SLC10A4: variants seen among roughly 807,000 people sequenced by gnomAD.
SLC10A4 encodes the protein solute carrier family 10 member 4.
A neutral mutation model predicts 22.5 loss-of-function variants in SLC10A4; 17 were observed. That is an observed-to-expected ratio of 0.76 (90% confidence interval 0.52 to 1.14). The LOEUF (loss-of-function observed/expected upper bound fraction) is 1.14, where lower values mean the gene tolerates loss of function less well. Among genes scored for constraint, SLC10A4 ranks in the 50% most tolerant of loss-of-function variants. The pLI is 0.00. For synonymous variants in SLC10A4, 257 were observed against 258.2 expected (o/e 1.00, Z 0.04); for missense variants, 548 against 584.0 (o/e 0.94, Z 0.64).
At chr4:48,484,856 C>G (rs1718252070) in intron 1 of SLC10A4, 76 bp from the exon 2 acceptor site, 1 of 1,409,212 alleles carries the variant, frequency 7.1e-7, no homozygotes, top group Admixed American at 1.8e-5. Context: ...CACCTCTACT[C>G]AACATACAAG....
intron 2 of SLC10A4, among the ~76,000 whole-genome samples, chr4:48,486,313 A>C (rs1456036541): frequency 6.6e-6 from 1 of 151,944 alleles, no homozygotes; most frequent in East Asian, 1.9e-4. Context: ...TGTACATGTA[A>C]ATATGCATAT....
In SLC10A4 at chr4:48,483,978, G is replaced by C. The variant is rs773166749; in HGVS notation, c.417G>C (p.Ala139=). The C allele has an allele frequency of 6.4e-7, 1 of 1,558,006 alleles. No homozygotes were observed. The highest frequency in any genetic ancestry group is 1.2e-5 in the South Asian group (1 of 86,384). ...FGAHVRRPVG[A]LLAALCQFGL... is the part of the protein sequence containing the mutation. ...CGCACGTCCGTCGGCCCGTGGGCGC[G>C]CTGCTGGCAGCGCTCTGCCAGTTCG... Residue 139 remains alanine (A), a synonymous_variant, in exon 1 of 3, where the codon GCG becomes GCC. Transcript: ENST00000273861. This position sits in a 1 kb window ranked among gnomAD's most constrained non-coding sequence, Gnocchi z 5.4.
In SLC10A4 at chr4:48,484,138, G is replaced by C; in HGVS notation, c.577G>C (p.Asp193His). 6.3e-7 allele frequency: 1 copy of C among 1,578,140 alleles called. No individual in the cohort carries two copies. The highest frequency in any genetic ancestry group is 8.6e-7 in the Non-Finnish European group (1 of 1,159,324). Residue 193 changes from aspartate (D) to histidine (H), a missense_variant, in exon 1 of 3, where the codon GAC (aspartate) becomes CAC (histidine). Physicochemically the swap from Asp to His is moderately conservative, Grantham distance 81 (BLOSUM62 -1). This residue lies in a region of SLC10A4 where 314 missense variants were observed against 353.2 expected (regional missense o/e 0.89). Coordinates refer to ENST00000273861, the MANE Select transcript of SLC10A4 (RefSeq NM_152679.4). ...TCTTATGTCCCTGCTGGTTGACGGC[G>C]ACATGAACCTCAGGTACGGATCTGT... The part of the protein sequence containing the change: ...SNLMSLLVDG[D>H]MNLSIIMTIS...
chr4:48,486,120 A>G (rs1050867160), intron 2 of SLC10A4, among the ~76,000 whole-genome samples: 8 of 152,302 alleles, frequency 5.3e-5, no homozygotes, highest in Non-Finnish European at 5.9e-5. Flanking sequence ...TAATGTTTCA[A>G]TTATGTAGAT....
At chr4:48,487,147 G>A (rs1718295982) in intron 2 of SLC10A4, among the ~76,000 whole-genome samples, 1 of 152,184 alleles carries the variant, frequency 6.6e-6, no homozygotes, top group Non-Finnish European at 1.5e-5. Flanking sequence ...TGAGTGAAAT[G>A]TACCAGTCAG....
intron 1 of SLC10A4, 67 bp downstream of exon 1, chr4:48,484,218 C>G (rs561124613): frequency 7.0e-7 from 1 of 1,433,462 alleles, no homozygotes; most frequent in African/African-American, 1.4e-5. Flanking sequence ...CGTGGGCTCA[C>G]GACGAAGGAC....
Position 48,488,628 on chromosome 4 carries a change from G to T in SLC10A4, c.1003G>T (p.Glu335Ter). 1 of 1,614,050 alleles carries T rather than the reference G, an allele frequency of 6.2e-7. No individual in the cohort carries two copies. The highest frequency in any genetic ancestry group is 8.5e-7 in the Non-Finnish European group (1 of 1,179,992). The change falls in exon 3 of 3, where the codon GAA becomes TAA. Residue 335 changes from glutamate (E) to a stop codon, truncating the protein, a stop_gained. Coordinates refer to ENST00000273861, the MANE Select transcript of SLC10A4 (RefSeq NM_152679.4). LOFTEE classifies it high-confidence loss of function. ...PPNCKRTVCL[E>*]TGSQNVQLCT... ...CAACTGCAAGAGGACTGTATGTCTG[G>T]AAACAGGTAGTCAGAATGTGCAGCT...
rs945616290 is a variant in SLC10A4, at chr4:48,483,945, C to T, written c.384C>T (p.His128=). The T allele has an allele frequency of 6.5e-7, 1 of 1,543,726 alleles. No homozygotes were observed. Among genetic ancestry groups the T allele is most frequent in the African/African-American group, 1.4e-5 (1 of 73,362 alleles). ...LGLGCTVDVN[H]FGAHVRRPVG... ...TGGGCTGCACGGTGGACGTGAACCA[C>T]TTCGGGGCGCACGTCCGTCGGCCCG... Residue 128 remains histidine (H), a synonymous_variant, in exon 1 of 3, where the codon CAC becomes CAT. Coordinates refer to ENST00000273861, the MANE Select transcript of SLC10A4 (RefSeq NM_152679.4). This position sits in a 1 kb window ranked among gnomAD's most constrained non-coding sequence, Gnocchi z 5.4.
chr4:48,488,363 T>C (rs1257788293), intron 2 of SLC10A4, 64 bp from the exon 3 acceptor site: 2 of 1,420,306 alleles, frequency 1.4e-6, no homozygotes, highest in African/African-American at 2.9e-5. Context: ...TTTTCTTCCG[T>C]GAGCTTAGGA....
In SLC10A4 at chr4:48,488,706, T is replaced by C; in HGVS notation, c.1081T>C (p.Tyr361His). The change falls in exon 3 of 3, where the codon TAC (tyrosine) becomes CAC (histidine). Residue 361 changes from tyrosine (Y) to histidine (H), a missense_variant. Physicochemically the swap from Tyr to His is moderately conservative, Grantham distance 83. Transcript: ENST00000273861. ...AFPPQFIGSMYMFPLLYALFQ... is the reference protein window; with the variant it reads ...AFPPQFIGSMHMFPLLYALFQ... Reference sequence around the variant, plus strand: ...TCCACCGCAATTCATAGGAAGCATGTACATGTTTCCTTTGCTGTATGCACT... The same window carrying C: ...TCCACCGCAATTCATAGGAAGCATGCACATGTTTCCTTTGCTGTATGCACT... 3.7e-6 allele frequency: 6 copies of C among 1,614,024 alleles called. No homozygotes were observed. The highest frequency in any genetic ancestry group is 4.2e-6 in the Non-Finnish European group (5 of 1,180,030).
rs1328787585 is a variant in SLC10A4 at position 48,487,819 on chromosome 4, T to TG, written c.802-606dup. ...TTTTTTTTTTTTTTTTTTTTTTTTT[T>TG]GGTGAAATGGAGTGTTGCTCTGTCA... On this transcript the variant is annotated intron_variant, in intron 2 of 2. Coordinates refer to ENST00000273861, the MANE Select transcript of SLC10A4 (RefSeq NM_152679.4). Among the ~76,000 whole-genome samples the TG allele has an allele frequency of 1.6e-4, 18 of 111,396 alleles. 2 individuals are homozygous for TG. In the East Asian group the frequency reaches 4.5e-3, roughly 28 times the overall value. The allele number at this position is 111,396 out of a possible 152,430, so 73.1% of individuals were successfully genotyped here. A position where few individuals can be genotyped will look rare whatever the true frequency, so the allele number is the denominator to read the frequency against.
rs1468942620 is a variant in SLC10A4, at chr4:48,488,537, A to G, written c.912A>G (p.Ala304=). The change falls in exon 3 of 3, where the codon GCA becomes GCG. Residue 304 remains alanine, a synonymous_variant. Coordinates refer to ENST00000273861, the MANE Select transcript of SLC10A4 (RefSeq NM_152679.4). The part of the protein sequence containing the change: ...ASIPAAVYVI[A]IFMPLAGYAS... ...TCCCTGCAGCTGTTTATGTGATAGC[A>G]ATTTTTATGCCTTTGGCAGGCTACG... 1.2e-6 allele frequency: 2 copies of G among 1,613,870 alleles called. No individual in the cohort carries two copies. The highest frequency in any genetic ancestry group is 1.7e-5 in the Admixed American group (1 of 59,984).
chr4:48,489,207 TG>T lies in SLC10A4; in HGVS notation c.*269del, dbSNP rs550393686. On this transcript the variant is annotated 3_prime_UTR_variant, in exon 3 of 3. Coordinates refer to ENST00000273861, the MANE Select transcript of SLC10A4 (RefSeq NM_152679.4). ...TTTTACCATCACCAATTTCTATGAC[TG>T]TTGCAAATACAGAATCTATTAGAAA... 22 of 326,330 alleles carry T rather than the reference TG, an allele frequency of 6.7e-5. No individual in the cohort carries two copies. Among genetic ancestry groups the T allele is most frequent in the Non-Finnish European group, 1.2e-4 (21 of 180,342 alleles). The allele number at this position is 326,330 out of a possible 1,614,324, so 20.2% of individuals were successfully genotyped here. A position where few individuals can be genotyped will look rare whatever the true frequency, so the allele number is the denominator to read the frequency against.
At position 48,488,439 on chromosome 4, in the gene SLC10A4, T is replaced by G. The variant is rs1718323077; in HGVS notation, c.814T>G (p.Ser272Ala). Residue 272 changes from serine (S) to alanine (A), a missense_variant, in exon 3 of 3, where the codon TCT becomes GCT. Ser to Ala is a moderately conservative substitution (Grantham distance 99, BLOSUM62 1). This residue lies in a region of SLC10A4 where 314 missense variants were observed against 353.2 expected (regional missense o/e 0.89). Transcript: ENST00000273861. ...ADYIVKVSLWSLLVTLVVLFI... is the reference protein window; with the variant it reads ...ADYIVKVSLWALLVTLVVLFI... Reference sequence around the variant, plus strand: ...TTTCTATTACTAGGTTTCCCTGTGGTCTCTGCTAGTGACTCTGGTGGTCCT... The same window carrying G: ...TTTCTATTACTAGGTTTCCCTGTGGGCTCTGCTAGTGACTCTGGTGGTCCT... The G allele has an allele frequency of 6.3e-7, 1 of 1,595,626 alleles. No individual in the cohort carries two copies. The highest frequency in any genetic ancestry group is 8.6e-7 in the Non-Finnish European group (1 of 1,169,134).
chr4:48,485,148 G>GC lies in SLC10A4; in HGVS notation c.801+11dup. On this transcript the variant is annotated splice_region_variant and intron_variant, in intron 2 of 2. Transcript: ENST00000273861. ...TGGCTGACTACATTGTGAAGGTAAG[G>GC]CCCCCTCTTCCCTTTCCATACTAGC... 6.2e-7 allele frequency: 1 copy of GC among 1,613,376 alleles called. No individual in the cohort carries two copies.
Position 48,488,788 on chromosome 4 carries a change from A to G in SLC10A4, c.1163A>G (p.Glu388Gly), listed in dbSNP as rs1244292149. The G allele has an allele frequency of 3.1e-6, 5 of 1,613,968 alleles. No homozygotes were observed. Among genetic ancestry groups the G allele is most frequent in the Non-Finnish European group, 4.2e-6 (5 of 1,180,050 alleles). ...TTAATCTATAAAATGTATGGAAGTG[A>G]AATGTTGCACAAGCGAGATCCTCTA... Reference protein sequence around the residue: ...FVLIYKMYGSEMLHKRDPLDE... With the variant: ...FVLIYKMYGSGMLHKRDPLDE... The change falls in exon 3 of 3, where the codon GAA (glutamate) becomes GGA (glycine). Residue 388 changes from glutamate to glycine, a missense_variant. Physicochemically the swap from Glu to Gly is moderately conservative, Grantham distance 98. This residue lies in a region of SLC10A4 where 314 missense variants were observed against 353.2 expected (regional missense o/e 0.89). Coordinates refer to ENST00000273861, the MANE Select transcript of SLC10A4 (RefSeq NM_152679.4).
chr4:48,489,117 A>G lies in SLC10A4; in HGVS notation c.*178A>G. ...AAACGTTGTCACAAATTACAAATCA[A>G]TGCTGTAATATAATTTGCACCTGGA... On this transcript the variant is annotated 3_prime_UTR_variant, in exon 3 of 3. Coordinates refer to ENST00000273861, the MANE Select transcript of SLC10A4 (RefSeq NM_152679.4). 1 of 685,090 alleles carries G rather than the reference A, an allele frequency of 1.5e-6. No individual in the cohort carries two copies. The highest frequency in any genetic ancestry group is 2.3e-6 in the Non-Finnish European group (1 of 441,404). The allele number at this position is 685,090 out of a possible 1,614,324, so 42.4% of individuals were successfully genotyped here.
At position 48,489,192 on chromosome 4, in the gene SLC10A4, AC is replaced by A; in HGVS notation, c.*255del. 2.8e-6 allele frequency: 1 copy of A among 361,216 alleles called. No homozygotes were observed. Among genetic ancestry groups the A allele is most frequent in the Non-Finnish European group, 4.9e-6 (1 of 202,676 alleles). 22.4% of individuals were successfully genotyped at this position (361,216 alleles called of 1,614,324 possible). On this transcript the variant is annotated 3_prime_UTR_variant, in exon 3 of 3. Coordinates refer to ENST00000273861, the MANE Select transcript of SLC10A4 (RefSeq NM_152679.4). Reference sequence around the variant, plus strand: ...AATGTGGTTTTTAGTTTTTACCATCACCAATTTCTATGACTGTTGCAAATAC... The same window carrying A: ...AATGTGGTTTTTAGTTTTTACCATCACAATTTCTATGACTGTTGCAAATAC...
chr4:48,485,213 A>G (rs1718263894), intron 2 of SLC10A4, 71 bp downstream of exon 2: 3 of 1,508,470 alleles, frequency 2.0e-6, no homozygotes, highest in Non-Finnish European at 2.8e-6. Flanking sequence ...CAGAAATGTT[A>G]GGAAGTTTGG....
Sources: gnomAD v4.1 joint callset for allele counts (sites outside exome capture counted in the v4.1 genomes callset) on GRCh38, gnomAD v4.1.1 for gene constraint, gnomAD v4.1.1 regional missense constraint, Gnocchi (gnomAD v3.1) non-coding constraint, MANE v1.5 for transcripts, NCBI Gene and HGNC (gene_info 2026-07-23, HGNC 2026-07-21) for gene names.